KIF16B: variants seen among roughly 807,000 people sequenced by gnomAD.
KIF16B encodes kinesin family member 16B, also known as kinesin-like protein KIF16B.
In KIF16B, 98 loss-of-function variants were observed where a neutral mutation model predicts 156.3. The observed-to-expected ratio is 0.63, with a 90% CI of 0.53 to 0.74. The LOEUF (loss-of-function observed/expected upper bound fraction) is 0.74, where lower values mean the gene tolerates loss of function less well. Among genes scored for constraint, KIF16B ranks in the 30% least tolerant of loss-of-function variants. KIF16B has a pLI of 0.00. For missense variants in KIF16B, 1,421 were observed against 1,606.5 expected (o/e 0.88, Z 1.97); for synonymous variants, 564 against 583.7 (o/e 0.97, Z 0.49).
At chr20:16,314,568 G>C (rs918254355) in intron 24 of KIF16B, among the ~76,000 whole-genome samples, 2 of 152,222 alleles carry the variant, frequency 1.3e-5, no homozygotes, top group Non-Finnish European at 2.9e-5. Context: ...GACCCAGTCT[G>C]AATCCTGGCT....
chr20:16,449,638 A>G (rs1000787623), intron 12 of KIF16B, among the ~76,000 whole-genome samples: 5 of 152,254 alleles, frequency 3.3e-5, no homozygotes, highest in African/African-American at 4.8e-5. Flanking sequence ...GTTCAAAATA[A>G]AGGCTGATCT....
At chr20:16,312,258 T>C in intron 25 of KIF16B, 77 bp downstream of exon 25, 1 of 1,048,678 alleles carries the variant, frequency 9.5e-7, no homozygotes, top group Non-Finnish European at 1.4e-6. Context: ...TTTAATAGTA[T>C]TTAACAGAAA....
intron 1 of KIF16B, among the ~76,000 whole-genome samples, chr20:16,554,596 G>A (rs1568681418): frequency 6.6e-6 from 1 of 152,176 alleles, no homozygotes; most frequent in African/African-American, 2.4e-5. Context: ...CCATCAAATG[G>A]TGGGGCTAAA....
At chr20:16,468,575 CA>C (rs550510241) in intron 12 of KIF16B, among the ~76,000 whole-genome samples, 2,634 of 35,636 alleles carry the variant, frequency 0.074, 13 homozygotes, top group African/African-American at 0.22. Flanking sequence ...GACTCCGTCT[CA>C]AAAAAAAAAA....
At chr20:16,536,667 T>G (rs546828632) in intron 1 of KIF16B, among the ~76,000 whole-genome samples, 2 of 152,300 alleles carry the variant, frequency 1.3e-5, no homozygotes, top group South Asian at 4.1e-4. Flanking sequence ...TTGGAGCTAT[T>G]AAGTGTTGCA....
chr20:16,499,832 C>A (rs1360301172), intron 10 of KIF16B, among the ~76,000 whole-genome samples: 1 of 152,116 alleles, frequency 6.6e-6, no homozygotes, highest in African/African-American at 2.4e-5. Context: ...TTCCTAAATC[C>A]TTTTAAAAGA....
At chr20:16,285,362 G>C (rs1451385389) in intron 25 of KIF16B, among the ~76,000 whole-genome samples, 5 of 152,290 alleles carry the variant, frequency 3.3e-5, no homozygotes, top group Admixed American at 2.0e-4. Context: ...ACTTTTCATT[G>C]TTTGTACATG....
intron 23 of KIF16B, among the ~76,000 whole-genome samples, chr20:16,352,873 TA>T (rs2064365283): frequency 6.6e-6 from 1 of 152,114 alleles, no homozygotes; most frequent in Non-Finnish European, 1.5e-5. Flanking sequence ...GCTGGGACCC[TA>T]AATAAGCTGG....
Position 16,509,128 on chromosome 20 carries a change from G to A in KIF16B, c.557-1028C>T, listed in dbSNP as rs138515951. On this transcript the variant is annotated intron_variant, in intron 6 of 25. Coordinates refer to ENST00000354981, the MANE Select transcript of KIF16B (RefSeq NM_024704.5). ...TTAGTTTGTACCCTGCTTTTAAATG[G>A]ATTAATACATTAAAGAACATTCTGT... Among the ~76,000 whole-genome samples the A allele has an allele frequency of 4.0e-3, 615 of 152,222 alleles. 1 individual carries two copies. Among genetic ancestry groups the A allele is most frequent in the African/African-American group, 0.014 (584 of 41,518 alleles).
At chr20:16,279,467 T>C (rs78197995) in intron 25 of KIF16B, among the ~76,000 whole-genome samples, 12,304 of 152,258 alleles carry the variant, frequency 0.081, 665 homozygotes, top group Non-Finnish European at 0.12. Flanking sequence ...GTGGTGACAG[T>C]CATTTTCTAC....
At chr20:16,454,059 T>C (rs2067151811) in intron 12 of KIF16B, among the ~76,000 whole-genome samples, 1 of 152,056 alleles carries the variant, frequency 6.6e-6, no homozygotes, top group African/African-American at 2.4e-5. Flanking sequence ...CAGAGAAATC[T>C]TGGGGCGATC....
chr20:16,383,617 C>A (rs1277467609), intron 17 of KIF16B, among the ~76,000 whole-genome samples: 1 of 152,140 alleles, frequency 6.6e-6, no homozygotes, highest in East Asian at 1.9e-4. Flanking sequence ...ATGATCATTT[C>A]TTTTTATTTA....
At chr20:16,534,651 C>T (rs1454785324) in intron 1 of KIF16B, among the ~76,000 whole-genome samples, 8 of 152,172 alleles carry the variant, frequency 5.3e-5, no homozygotes, top group Admixed American at 3.9e-4. Flanking sequence ...TCAGGTCTTA[C>T]ATTAAAGTGT....
intron 22 of KIF16B, among the ~76,000 whole-genome samples, chr20:16,364,207 G>A (rs2064609490): frequency 6.6e-6 from 1 of 152,152 alleles, no homozygotes; most frequent in South Asian, 2.1e-4. Flanking sequence ...TTTCAACAAA[G>A]ACTAAATAAA....
intron 12 of KIF16B, among the ~76,000 whole-genome samples, chr20:16,489,511 A>T (rs2146901729): frequency 6.6e-6 from 1 of 152,298 alleles, no homozygotes; most frequent in African/African-American, 2.4e-5. Flanking sequence ...AGCCTGGCCA[A>T]TGTGGTAAAA....
At chr20:16,360,384 A>G (rs2064529003) in intron 22 of KIF16B, among the ~76,000 whole-genome samples, 2 of 152,152 alleles carry the variant, frequency 1.3e-5, no homozygotes, top group South Asian at 4.1e-4. Flanking sequence ...GGGAGCTTTT[A>G]TATTTCGATG....
At chr20:16,465,376 GAT>G in intron 12 of KIF16B, among the ~76,000 whole-genome samples, 1 of 152,322 alleles carries the variant, frequency 6.6e-6, no homozygotes, top group East Asian at 1.9e-4. Context: ...AGTCCTTGGA[GAT>G]GGTCAATACC....
chr20:16,541,734 G>A (rs1459172485), intron 1 of KIF16B, among the ~76,000 whole-genome samples: 1 of 152,238 alleles, frequency 6.6e-6, no homozygotes, highest in Non-Finnish European at 1.5e-5. Context: ...CCTGGGAAAA[G>A]AAGGAGACTG....
chr20:16,405,692 G>T (rs1162177830), intron 16 of KIF16B, among the ~76,000 whole-genome samples: 1 of 152,140 alleles, frequency 6.6e-6, no homozygotes, highest in African/African-American at 2.4e-5. Flanking sequence ...ATCTTGACCT[G>T]GGGGTGATAG....
Sources: gnomAD v4.1 joint callset for allele counts (sites outside exome capture counted in the v4.1 genomes callset) on GRCh38, gnomAD v4.1.1 for gene constraint, MANE v1.5 for transcripts, NCBI Gene and HGNC (gene_info 2026-07-23, HGNC 2026-07-21) for gene names.